The following SH3PXD2A variants were observed in gnomAD, a reference collection of about 807,000 sequenced individuals.
SH3PXD2A encodes the protein SH3 and PX domain-containing protein 2A.
Under a neutral mutation model 115.2 loss-of-function variants are expected in SH3PXD2A, and 32 were observed. The ratio of observed to expected loss-of-function variants is 0.28; its 90% CI spans 0.21 to 0.37. The LOEUF is 0.37. Among genes scored for constraint, SH3PXD2A ranks in the 10% least tolerant of loss-of-function variants. The probability of loss-of-function intolerance (pLI) is 1.00; values close to 1 mark genes in which losing one functional copy is unlikely to be tolerated. For missense variants in SH3PXD2A, 1,328 were observed against 1,498.7 expected, an observed-to-expected ratio of 0.89 and a Z score of 1.88; for synonymous variants, 610 against 629.1, an observed-to-expected ratio of 0.97 and a Z score of 0.45.
intron 4 of SH3PXD2A, among the ~76,000 whole-genome samples, chr10:103,731,074 G>A (rs1417291746): frequency 6.6e-6 from 1 of 151,998 alleles, no homozygotes; most frequent in Non-Finnish European, 1.5e-5. Flanking sequence ...GGCCCCAGCA[G>A]CACTTGGAAC....
In SH3PXD2A at chr10:103,706,272, G is replaced by A. The variant is rs373460970; in HGVS notation, c.399-13216C>T. Among the ~76,000 whole-genome samples, 9 of 152,304 alleles carry A rather than the reference G, an allele frequency of 5.9e-5. No individual in the cohort carries two copies. The South Asian group carries it at 1.9e-3, about 32-fold the overall frequency. On this transcript the variant is annotated intron_variant, in intron 5 of 14. Coordinates refer to ENST00000369774, the MANE Select transcript of SH3PXD2A (RefSeq NM_001394015.1). ...TGGGCTGCCTCCTGGTGGTTCTGCC[G>A]CTGGTGTGGCTGCTCAGTGGGTCAG...
chr10:103,626,128 T>A (rs12415413), intron 9 of SH3PXD2A, among the ~76,000 whole-genome samples: 4 of 152,270 alleles, frequency 2.6e-5, no homozygotes, highest in Non-Finnish European at 4.4e-5. Flanking sequence ...TGGAAGCACA[T>A]GGCAGGGGCC....
chr10:103,841,737 C>T (rs1377684870), intron 1 of SH3PXD2A, among the ~76,000 whole-genome samples: 2 of 152,168 alleles, frequency 1.3e-5, no homozygotes, highest in Non-Finnish European at 2.9e-5. Context: ...ACCACTTTCC[C>T]CCAGATAGCC....
chr10:103,661,782 G>T, intron 7 of SH3PXD2A: 1 of 985,268 alleles, frequency 1.0e-6, no homozygotes. Flanking sequence ...CCCTTAAATA[G>T]AAACACATGA....
At chr10:103,795,446 T>C (rs1297059789) in intron 2 of SH3PXD2A, among the ~76,000 whole-genome samples, 1 of 152,136 alleles carries the variant, frequency 6.6e-6, no homozygotes, top group African/African-American at 2.4e-5. Flanking sequence ...AGGCAGGGTA[T>C]GGATAACCAA....
chr10:103,840,606 CAA>C (rs2039587744), intron 1 of SH3PXD2A, among the ~76,000 whole-genome samples: 2 of 152,256 alleles, frequency 1.3e-5, no homozygotes, highest in South Asian at 4.1e-4. Context: ...GGCCAGGAAA[CAA>C]GAGGTTTCGC....
chr10:103,661,664 C>G, intron 7 of SH3PXD2A: 3 of 985,374 alleles, frequency 3.0e-6, no homozygotes, highest in Non-Finnish European at 3.6e-6. Context: ...CCTGCTCCCT[C>G]GGGCGGGAGA....
chr10:103,837,883 GGAAA>G (rs2039560880), intron 1 of SH3PXD2A, among the ~76,000 whole-genome samples: 2 of 152,178 alleles, frequency 1.3e-5, no homozygotes, highest in Admixed American at 1.3e-4. Flanking sequence ...GGAGAGTGCA[GGAAA>G]GAGTGGGAAA....
At chr10:103,706,589 G>A (rs1340272551) in intron 5 of SH3PXD2A, among the ~76,000 whole-genome samples, 1 of 152,202 alleles carries the variant, frequency 6.6e-6, no homozygotes, top group Non-Finnish European at 1.5e-5. Flanking sequence ...CAGGAACTGT[G>A]TGTGTCTTGC....
In SH3PXD2A at chr10:103,627,091, T is replaced by A. The variant is rs1453401781; in HGVS notation, c.716A>T (p.Glu239Val). 1.3e-6 allele frequency: 2 copies of A among 1,589,204 alleles called. No individual in the cohort carries two copies. Among genetic ancestry groups the A allele is most frequent in the East Asian group, 4.5e-5 (2 of 44,738 alleles). ...DSDINTSKTGEVSKRRKAHLR... is the reference protein window; with the variant it reads ...DSDINTSKTGVVSKRRKAHLR... ...CCCTTGGACCTGCAAGCCCTCACCT[T>A]CTCCAGTCTTAGAGGTGTTGATGTC... Residue 239 changes from glutamate to valine, a missense_variant and splice_region_variant, in exon 9 of 15, where the codon GAA (glutamate) becomes GTA (valine). Around this residue, in one of 5 missense-constraint regions of SH3PXD2A, gnomAD observed 509 missense variants for 628.3 expected, o/e 0.81. Coordinates refer to ENST00000369774, the MANE Select transcript of SH3PXD2A (RefSeq NM_001394015.1). The surrounding 1 kb of genome is among the most constrained non-coding windows in gnomAD (Gnocchi z 4.4).
At chr10:103,828,778 T>G (rs987489948) in intron 1 of SH3PXD2A, among the ~76,000 whole-genome samples, 1 of 152,242 alleles carries the variant, frequency 6.6e-6, no homozygotes, top group Non-Finnish European at 1.5e-5. Flanking sequence ...AAAGACTGTT[T>G]GTGTTCTGTA....
At chr10:103,606,364 C>G (rs1346653174) in intron 13 of SH3PXD2A, among the ~76,000 whole-genome samples, 2 of 140,138 alleles carry the variant, frequency 1.4e-5, no homozygotes, top group Non-Finnish European at 3.0e-5. Context: ...CACACACCAC[C>G]ACACCTGGTT....
chr10:103,658,648 G>A (rs561200271), intron 8 of SH3PXD2A, among the ~76,000 whole-genome samples: 6 of 152,334 alleles, frequency 3.9e-5, no homozygotes, highest in African/African-American at 1.4e-4. Flanking sequence ...GGTAGGCACA[G>A]CACTGCAGGT....
At chr10:103,779,664 G>A (rs74157339) in intron 2 of SH3PXD2A, among the ~76,000 whole-genome samples, 38 of 152,306 alleles carry the variant, frequency 2.5e-4, no homozygotes, top group African/African-American at 9.1e-4. Context: ...AGTGGTGCAA[G>A]AAACATCTGT....
intron 1 of SH3PXD2A, among the ~76,000 whole-genome samples, chr10:103,819,730 C>A (rs1309640438): frequency 1.3e-5 from 2 of 151,884 alleles, no homozygotes; most frequent in Non-Finnish European, 2.9e-5. Flanking sequence ...TGTGAGGGAG[C>A]CCAGAAGGAG....
At position 103,618,979 on chromosome 10, in the gene SH3PXD2A, C is replaced by T. The variant is rs548452063; in HGVS notation, c.803-1665G>A. Among the ~76,000 whole-genome samples, 12 of 152,340 alleles carry T rather than the reference C, an allele frequency of 7.9e-5. No homozygotes were observed. In the South Asian group the frequency reaches 1.7e-3, roughly 21 times the overall value. On this transcript the variant is annotated intron_variant, in intron 10 of 14. Transcript: ENST00000369774. ...CCCTTTGGGGGTGGTTGTGGCTGCC[C>T]TGCCAGGCTGTGAAGACAGAACTGA... is the stretch of plus-strand genomic sequence containing the variant.
chr10:103,697,426 C>A (rs1175154944), intron 5 of SH3PXD2A, among the ~76,000 whole-genome samples: 1 of 152,232 alleles, frequency 6.6e-6, no homozygotes, highest in Non-Finnish European at 1.5e-5. Flanking sequence ...AAAGGAGCTT[C>A]TCCTTAAGGA....
At chr10:103,644,801 A>G (rs1215375137) in intron 8 of SH3PXD2A, among the ~76,000 whole-genome samples, 2 of 152,194 alleles carry the variant, frequency 1.3e-5, no homozygotes, top group Admixed American at 1.3e-4. Context: ...CTTTCCCAAT[A>G]GCCACATGGG....
chr10:103,819,933 G>A (rs1335730536), intron 1 of SH3PXD2A, among the ~76,000 whole-genome samples: 4 of 152,134 alleles, frequency 2.6e-5, no homozygotes, highest in Admixed American at 6.5e-5. Context: ...AGGATGCAGT[G>A]GAGTGACTAG....
Sources: gnomAD v4.1 joint callset for allele counts (sites outside exome capture counted in the v4.1 genomes callset) on GRCh38, gnomAD v4.1.1 for gene constraint, gnomAD v4.1.1 regional missense constraint, Gnocchi (gnomAD v3.1) non-coding constraint, MANE v1.5 for transcripts, NCBI Gene and HGNC (gene_info 2026-07-23, HGNC 2026-07-21) for gene names.